PKHD1: variants seen among roughly 807,000 people sequenced by gnomAD.
PKHD1 encodes the protein fibrocystin.
In PKHD1, 291 loss-of-function variants were observed where a neutral mutation model predicts 412.0. That is an observed-to-expected ratio of 0.71 (90% CI 0.64 to 0.78). The LOEUF is 0.78. Among genes scored for constraint, PKHD1 ranks in the 30% least tolerant of loss-of-function variants. The probability of loss-of-function intolerance (pLI) is 0.00; values close to 1 mark genes in which losing one functional copy is unlikely to be tolerated. For missense variants in PKHD1, 4,825 were observed against 4,950.7 expected (o/e 0.97, Z 0.76); for synonymous variants, 1,777 against 1,821.5 (o/e 0.98, Z 0.62).
chr6:51,826,118 G>A (rs1767264653), intron 52 of PKHD1, among the ~76,000 whole-genome samples: 1 of 152,030 alleles, frequency 6.6e-6, no homozygotes, highest in South Asian at 2.1e-4. Context: ...ATTACTTTCT[G>A]ATTTATGATC....
chr6:51,670,369 C>A (rs991109920), intron 60 of PKHD1, among the ~76,000 whole-genome samples: 1 of 152,014 alleles, frequency 6.6e-6, no homozygotes, highest in African/African-American at 2.4e-5. Flanking sequence ...AGGACTGCAA[C>A]CCCTGCCTTT....
At position 51,705,751 on chromosome 6, in the gene PKHD1, G is replaced by A. The variant is rs184498606; in HGVS notation, c.10156+38634C>T. On this transcript the variant is annotated intron_variant, in intron 60 of 66. Transcript: ENST00000371117. ...CCAGTAACAACTGGAAATGAGGCTA[G>A]GATAGATGCTTGAAGTAGAAAGGGG... 1.9e-4 allele frequency among the ~76,000 whole-genome samples: 29 copies of A among 152,142 alleles called. No homozygotes were observed. In the East Asian group the frequency reaches 4.8e-3, roughly 25 times the overall value.
At chr6:51,761,304 G>A (rs145325695) in intron 55 of PKHD1, among the ~76,000 whole-genome samples, 16 of 152,154 alleles carry the variant, frequency 1.1e-4, no homozygotes, top group African/African-American at 3.9e-4. Flanking sequence ...AAGACACTAC[G>A]TTAAGTGAAA....
chr6:51,747,850 G>A lies in PKHD1; in HGVS notation c.9766C>T (p.Pro3256Ser). 1 of 1,613,668 alleles carries A rather than the reference G, an allele frequency of 6.2e-7. No homozygotes were observed. The highest frequency in any genetic ancestry group is 1.3e-5 in the African/African-American group (1 of 74,982). The change falls in exon 58 of 67, where the codon CCT (proline) becomes TCT (serine). Residue 3256 changes from proline (P) to serine (S), a missense_variant. By Grantham distance (74) the Pro-to-Ser change is moderately conservative. Transcript: ENST00000371117. ...PVFTSEPNQW[P>S]QEPWHKVRND... ...CTCACTTTGTGCCATGGCTCCTGAG[G>A]CCACTGATTTGGTTCTGAGGTGAAT...
At chr6:51,754,961 T>C (rs1786715263) in intron 55 of PKHD1, 23 bp from the exon 56 acceptor site, 4 of 1,598,452 alleles carry the variant, frequency 2.5e-6, no homozygotes, top group Non-Finnish European at 3.4e-6. Context: ...AACAATGGCA[T>C]TGGATATACT....
At chr6:52,022,435 AC>A (rs1340877881) in intron 33 of PKHD1, among the ~76,000 whole-genome samples, 2 of 152,114 alleles carry the variant, frequency 1.3e-5, no homozygotes, top group Non-Finnish European at 2.9e-5. Flanking sequence ...CAGCAACCTC[AC>A]CTCAGAACAA....
At chr6:51,914,137 C>A (rs1357171128) in intron 37 of PKHD1, among the ~76,000 whole-genome samples, 1 of 152,056 alleles carries the variant, frequency 6.6e-6, no homozygotes, top group Non-Finnish European at 1.5e-5. Context: ...TAATATGCAA[C>A]AAATACCTGC....
At chr6:51,706,341 A>T (rs1780014789) in intron 60 of PKHD1, among the ~76,000 whole-genome samples, 1 of 152,152 alleles carries the variant, frequency 6.6e-6, no homozygotes, top group African/African-American at 2.4e-5. Context: ...TGCATGTAAG[A>T]AACTGAAAAT....
intron 5 of PKHD1, 84 bp downstream of exon 5, chr6:52,079,816 T>C: frequency 1.2e-6 from 1 of 812,680 alleles, no homozygotes. Context: ...GCAGACACGC[T>C]GGCTCATTTA....
intron 55 of PKHD1, among the ~76,000 whole-genome samples, chr6:51,764,089 A>C: frequency 7.2e-6 from 1 of 138,170 alleles, no homozygotes; most frequent in Non-Finnish European, 1.6e-5. Context: ...TCCCAATGCT[A>C]TCCCTCCCCC....
chr6:51,761,914 C>T (rs1007104613), intron 55 of PKHD1, among the ~76,000 whole-genome samples: 1 of 152,040 alleles, frequency 6.6e-6, no homozygotes, highest in Non-Finnish European at 1.5e-5. Context: ...TAAATGGCAG[C>T]GCTCCTTACC....
chr6:52,047,236 C>T (rs1245973316), intron 23 of PKHD1, among the ~76,000 whole-genome samples: 1 of 152,134 alleles, frequency 6.6e-6, no homozygotes, highest in Non-Finnish European at 1.5e-5. Context: ...CAGTAATGAG[C>T]CTCATAGAGG....
chr6:51,656,106 T>A (rs1158824905), intron 61 of PKHD1, among the ~76,000 whole-genome samples: 2 of 152,144 alleles, frequency 1.3e-5, no homozygotes, highest in Non-Finnish European at 2.9e-5. Flanking sequence ...TGCCCATCAA[T>A]GATAGACTGG....
At chr6:51,720,771 G>C (rs1191989498) in intron 60 of PKHD1, 1 of 119,732 alleles carries the variant, frequency 8.4e-6, no homozygotes. Flanking sequence ...GTGTGTGTGT[G>C]TGTGTGTGTG....
chr6:51,862,110 G>A (rs922105388), intron 48 of PKHD1, among the ~76,000 whole-genome samples: 1 of 152,196 alleles, frequency 6.6e-6, no homozygotes, highest in African/African-American at 2.4e-5. Flanking sequence ...CCAGAGCTGT[G>A]ATGGGGATGA....
intron 19 of PKHD1, 121 bp downstream of exon 19, chr6:52,055,466 G>C (rs966452614): frequency 8.8e-7 from 1 of 1,135,640 alleles, no homozygotes. Context: ...ACCTCAGCCT[G>C]AAACACCTTG....
intron 60 of PKHD1, among the ~76,000 whole-genome samples, chr6:51,701,452 T>C (rs540029139): frequency 2.0e-5 from 3 of 152,200 alleles, no homozygotes; most frequent in Admixed American, 1.3e-4. Context: ...ATATTCCTCA[T>C]AGTAGAGCCA....
At chr6:51,670,808 G>A (rs967657174) in intron 60 of PKHD1, among the ~76,000 whole-genome samples, 1 of 150,452 alleles carries the variant, frequency 6.6e-6, no homozygotes, top group Admixed American at 6.6e-5. Context: ...CACTGATGAA[G>A]CTTAGTTTGG....
At chr6:51,955,088 G>T (rs1038472782) in intron 36 of PKHD1, among the ~76,000 whole-genome samples, 2 of 151,962 alleles carry the variant, frequency 1.3e-5, no homozygotes, top group Non-Finnish European at 2.9e-5. Flanking sequence ...ATAAAAGAAT[G>T]AAAATATAAT....
Sources: gnomAD v4.1 joint callset for allele counts (sites outside exome capture counted in the v4.1 genomes callset) on GRCh38, gnomAD v4.1.1 for gene constraint, MANE v1.5 for transcripts, NCBI Gene and HGNC (gene_info 2026-07-23, HGNC 2026-07-21) for gene names.